GJA9: variants seen among roughly 807,000 people sequenced by gnomAD.
The protein encoded by GJA9 is gap junction alpha-9 protein.
Under a neutral mutation model 0.4 loss-of-function variants are expected in GJA9, and 1 was observed. The observed-to-expected ratio is 2.50, with a 90% CI of 0.89 to 11.88. The LOEUF (loss-of-function observed/expected upper bound fraction) is 11.88, where lower values mean the gene tolerates loss of function less well. GJA9 is among the 30% of genes most tolerant of loss of function. The pLI is 0.12. For synonymous variants in GJA9, 190 were observed against 219.1 expected, an observed-to-expected ratio of 0.87 and a Z score of 1.17; for missense variants, 550 against 602.8, an observed-to-expected ratio of 0.91 and a Z score of 0.92.
rs942227281 is a variant in GJA9, at chr1:38,876,213, A to G, written c.-95-20T>C. 4 of 798,530 alleles carry G rather than the reference A, an allele frequency of 5.0e-6. No individual in the cohort carries two copies. The African/African-American group carries it at 5.2e-5, about 10-fold the overall frequency. The allele number at this position is 798,530 out of a possible 1,614,324, so 49.5% of individuals were successfully genotyped here. A position where few individuals can be genotyped will look rare whatever the true frequency, so the allele number is the denominator to read the frequency against. On this transcript the variant is annotated intron_variant, in intron 1 of 1. Coordinates refer to ENST00000357771, the MANE Select transcript of GJA9 (RefSeq NM_030772.5). Reference sequence around the variant, plus strand: ...GCAAACCTATGGTGAAAATATAACAATATGTCACTTCTATATGCTGGTTGC... The same window carrying G: ...GCAAACCTATGGTGAAAATATAACAGTATGTCACTTCTATATGCTGGTTGC...
In GJA9 at chr1:38,874,988, T is replaced by A; in HGVS notation, c.1111A>T (p.Arg371Ter). Reference sequence around the variant, plus strand: ...TTGCTGTCTTTGCCTTCAGTTTCTCTTTTTTCCATTAACTGGTTACCATTA... The same window carrying A: ...TTGCTGTCTTTGCCTTCAGTTTCTCATTTTTCCATTAACTGGTTACCATTA... ...ELNGNQLMEK[R>*]ETEGKDSKRN... Residue 371 changes from arginine (R) to a stop codon, truncating the protein, a stop_gained, in exon 2 of 2, where the codon AGA becomes TGA. Coordinates refer to ENST00000357771, the MANE Select transcript of GJA9 (RefSeq NM_030772.5). LOFTEE classifies it low-confidence loss of function (END_TRUNC). 1 of 1,614,228 alleles carries A rather than the reference T, an allele frequency of 6.2e-7. No individual in the cohort carries two copies. The highest frequency in any genetic ancestry group is 1.1e-5 in the South Asian group (1 of 91,084).
At chr1:38,879,750 G>A (rs1480308790) in intron 1 of GJA9, among the ~76,000 whole-genome samples, 1 of 151,930 alleles carries the variant, frequency 6.6e-6, no homozygotes, top group African/African-American at 2.4e-5. Context: ...TTTCTGAGAC[G>A]GAGTCTCGCC....
chr1:38,874,408 G>T lies in GJA9; in HGVS notation c.*143C>A. The stretch of plus-strand genomic sequence containing the variant: ...TGCTTCACAATCTCGAATTAGAGCT[G>T]TTTTTCTCTTGCTTAAATGAGTTTG... On this transcript the variant is annotated 3_prime_UTR_variant, in exon 2 of 2. Transcript: ENST00000357771. The T allele has an allele frequency of 1.7e-6, 1 of 602,836 alleles. No individual in the cohort carries two copies. Among genetic ancestry groups the T allele is most frequent in the South Asian group, 2.3e-5 (1 of 43,660 alleles). The allele number at this position is 602,836 out of a possible 1,614,324, so 37.3% of individuals were successfully genotyped here.
At chr1:38,876,875 C>T (rs939783914) in intron 1 of GJA9, among the ~76,000 whole-genome samples, 8 of 151,798 alleles carry the variant, frequency 5.3e-5, no homozygotes, top group African/African-American at 1.9e-4. Context: ...CGCTTGTAGT[C>T]CCAGCTACTC....
chr1:38,880,692 G>A (rs888740106), intron 1 of GJA9, among the ~76,000 whole-genome samples: 31 of 151,350 alleles, frequency 2.0e-4, no homozygotes, highest in Admixed American at 9.9e-4. Context: ...TGAGGCAGGA[G>A]AATCGCTTGA....
chr1:38,875,925 T>G lies in GJA9; in HGVS notation c.174A>C (p.Gln58His), dbSNP rs774282927. The G allele has an allele frequency of 6.2e-7, 1 of 1,614,202 alleles. No individual in the cohort carries two copies. Among genetic ancestry groups the G allele is most frequent in the South Asian group, 1.1e-5 (1 of 91,090 alleles). The change falls in exon 2 of 2, where the codon CAA becomes CAC. Residue 58 changes from glutamine (Q) to histidine (H), a missense_variant. Transcript: ENST00000357771. ...CGTAGCATACATTTCTGCAGCCTGG[T>G]TGTTCTGTATTGCAGATGAAGCCAG... ...EQSGFICNTE[Q>H]PGCRNVCYDQ... is the part of the protein sequence containing the mutation.
In GJA9 at chr1:38,874,512, C is replaced by G; in HGVS notation, c.*39G>C. 6.6e-7 allele frequency: 1 copy of G among 1,513,390 alleles called. No homozygotes were observed. The highest frequency in any genetic ancestry group is 9.1e-7 in the Non-Finnish European group (1 of 1,102,712). 93.7% of individuals were successfully genotyped at this position (1,513,390 alleles called of 1,614,324 possible). The stretch of plus-strand genomic sequence containing the variant: ...GTGCCCCACGACCACTAGGCTACTT[C>G]TCTGATAATATATATAATGTCTAAA... On this transcript the variant is annotated 3_prime_UTR_variant, in exon 2 of 2. Coordinates refer to ENST00000357771, the MANE Select transcript of GJA9 (RefSeq NM_030772.5).
rs935292941 is a variant in GJA9 at position 38,876,008 on chromosome 1, T to G, written c.91A>C (p.Ile31Leu). 5.6e-6 allele frequency: 9 copies of G among 1,614,224 alleles called. No individual in the cohort carries two copies. Among genetic ancestry groups the G allele is most frequent in the Non-Finnish European group, 7.6e-6 (9 of 1,180,040 alleles). Residue 31 changes from isoleucine to leucine, a missense_variant, in exon 2 of 2, where the codon ATA becomes CTA. Coordinates refer to ENST00000357771, the MANE Select transcript of GJA9 (RefSeq NM_030772.5). Reference protein sequence around the residue: ...IGKIWLTILFIFRMLVLGVAA... With the variant: ...IGKIWLTILFLFRMLVLGVAA... ...ACACCCAGAACAAGCATTCGAAATATGAACAGGATGGTGAGCCAGATCTTT... is the reference window on the plus strand; with the variant it reads ...ACACCCAGAACAAGCATTCGAAATAGGAACAGGATGGTGAGCCAGATCTTT...
chr1:38,878,078 T>C (rs1642621435), intron 1 of GJA9, among the ~76,000 whole-genome samples: 1 of 130,906 alleles, frequency 7.6e-6, no homozygotes, highest in Admixed American at 8.2e-5. Flanking sequence ...ATACTTTTTT[T>C]CTTTTTTTTT....
chr1:38,879,373 A>T (rs1642650790), intron 1 of GJA9, among the ~76,000 whole-genome samples: 1 of 152,186 alleles, frequency 6.6e-6, no homozygotes, highest in South Asian at 2.1e-4. Flanking sequence ...CAAACTACTA[A>T]GATACAAGAT....
At chr1:38,880,210 C>T (rs1325508376) in intron 1 of GJA9, among the ~76,000 whole-genome samples, 2 of 148,664 alleles carry the variant, frequency 1.3e-5, no homozygotes, top group Non-Finnish European at 3.0e-5. Flanking sequence ...TGAGACCAGC[C>T]TGGCCAACAT....
rs776174779 is a variant in GJA9 at position 38,874,526 on chromosome 1, A to G, written c.*25T>C. The stretch of plus-strand genomic sequence containing the variant: ...CTAGGCTACTTCTCTGATAATATAT[A>G]TAATGTCTAAAAGCCAACCGCTGTT... On this transcript the variant is annotated 3_prime_UTR_variant, in exon 2 of 2. Transcript: ENST00000357771. The G allele has an allele frequency of 1.3e-6, 2 of 1,564,766 alleles. No individual in the cohort carries two copies. Among genetic ancestry groups the G allele is most frequent in the African/African-American group, 1.4e-5 (1 of 73,796 alleles).
In GJA9 at chr1:38,875,968, A is replaced by G. The variant is rs1344982406; in HGVS notation, c.131T>C (p.Val44Ala). 3 of 1,614,076 alleles carry G rather than the reference A, an allele frequency of 1.9e-6. No homozygotes were observed. The highest frequency in any genetic ancestry group is 2.5e-6 in the Non-Finnish European group (3 of 1,180,040). The change falls in exon 2 of 2, where the codon GTC becomes GCC. Residue 44 changes from valine to alanine, a missense_variant. Coordinates refer to ENST00000357771, the MANE Select transcript of GJA9 (RefSeq NM_030772.5). The stretch of plus-strand genomic sequence containing the variant: ...GAAGCCAGACTGCTCATCATTCCAG[A>G]CATCTTCAGCTGCTACACCCAGAAC... ...MLVLGVAAED[V>A]WNDEQSGFIC...
Position 38,875,358 on chromosome 1 carries a change from C to CT in GJA9, c.740dup (p.Leu248ValfsTer6). On this transcript the variant is annotated frameshift_variant, in exon 2 of 2. Coordinates refer to ENST00000357771, the MANE Select transcript of GJA9 (RefSeq NM_030772.5). LOFTEE classifies it low-confidence loss of function (END_TRUNC). ...GGAATTCATTATGTTCCTTCTTCAA[C>CT]TTGTATTTTCCCCAAAGCCCTCTTT... The CT allele has an allele frequency of 6.2e-7, 1 of 1,613,850 alleles. No individual in the cohort carries two copies. The highest frequency in any genetic ancestry group is 8.5e-7 in the Non-Finnish European group (1 of 1,179,924).
At position 38,875,158 on chromosome 1, in the gene GJA9, C is replaced by T; in HGVS notation, c.941G>A (p.Ser314Asn). 1.2e-6 allele frequency: 2 copies of T among 1,614,106 alleles called. No individual in the cohort carries two copies. Among genetic ancestry groups the T allele is most frequent in the Non-Finnish European group, 1.7e-6 (2 of 1,179,964 alleles). ...SVFQPNPDNHSVNDEKCILDE... is the reference protein window; with the variant it reads ...SVFQPNPDNHNVNDEKCILDE... ...CAAAATGCATTTCTCATCATTTACA[C>T]TATGATTGTCAGGATTTGGCTGGAA... Residue 314 changes from serine (S) to asparagine (N), a missense_variant, in exon 2 of 2, where the codon AGT becomes AAT. Coordinates refer to ENST00000357771, the MANE Select transcript of GJA9 (RefSeq NM_030772.5).
rs1463859939 is a variant in GJA9, at chr1:38,874,920, A to G, written c.1179T>C (p.Val393=). 1 of 1,614,162 alleles carries G rather than the reference A, an allele frequency of 6.2e-7. No individual in the cohort carries two copies. The highest frequency in any genetic ancestry group is 8.5e-7 in the Non-Finnish European group (1 of 1,180,018). Residue 393 remains valine, a synonymous_variant, in exon 2 of 2, where the codon GTT becomes GTC. Transcript: ENST00000357771. ...TCATGTTGTTCTCTCCATCTATAGC[A>G]ACACCTGGAATAGAACGGTGACCTC... ...YSRGHRSIPG[V]AIDGENNMRQ... is the part of the protein sequence containing the mutation.
At chr1:38,881,325 A>G (rs1471811580) in intron 1 of GJA9, 107 bp downstream of exon 1, 17 of 529,824 alleles carry the variant, frequency 3.2e-5, no homozygotes, top group African/African-American at 2.4e-4. Context: ...CAAATGACAT[A>G]AAAACTGGTA....
intron 1 of GJA9, among the ~76,000 whole-genome samples, chr1:38,878,220 A>C (rs144920216): frequency 7.0e-4 from 106 of 152,072 alleles, no homozygotes; most frequent in African/African-American, 2.4e-3. Context: ...CTGAGACTAC[A>C]GGCAAGTGCC....
Position 38,878,324 on chromosome 1 carries a change from C to T in GJA9, c.-95-2131G>A, listed in dbSNP as rs563535642. 2.6e-5 allele frequency among the ~76,000 whole-genome samples: 4 copies of T among 151,636 alleles called. No homozygotes were observed. The South Asian group carries it at 8.4e-4, about 32-fold the overall frequency. ...GAACTCCTGAACCTTGAGTGATCCA[C>T]CCGCCTCGGCCTCCCATAGTAAGCC... On this transcript the variant is annotated intron_variant, in intron 1 of 1. Coordinates refer to ENST00000357771, the MANE Select transcript of GJA9 (RefSeq NM_030772.5).
Sources: allele counts gnomAD v4.1 joint callset (sites outside exome capture counted in the v4.1 genomes callset), GRCh38; gene constraint gnomAD v4.1.1; transcripts MANE v1.5; gene names NCBI Gene and HGNC (gene_info 2026-07-23, HGNC 2026-07-21).